The following ZNF497 variants were observed in gnomAD, a reference collection of about 807,000 sequenced individuals.
ZNF497 encodes the protein zinc finger-like protein.
For synonymous variants in ZNF497, 422 were observed against 313.7 expected, an observed-to-expected ratio of 1.35 and a Z score of -3.65; for missense variants, 930 against 714.0, an observed-to-expected ratio of 1.30 and a Z score of -3.45.
chr19:58,362,316 C>G (rs2052102728), intron 1 of ZNF497, among the ~76,000 whole-genome samples: 1 of 152,212 alleles, frequency 6.6e-6, no homozygotes, highest in Non-Finnish European at 1.5e-5. Flanking sequence ...CCGAAACTAC[C>G]CGGGGCTGGG....
intron 1 of ZNF497, 78 bp from the exon 2 acceptor site, chr19:58,358,663 ATGACCCAC>A (rs1384372652): frequency 1.5e-6 from 1 of 679,738 alleles, no homozygotes; most frequent in East Asian, 6.7e-5. Context: ...ATGCGGTGGC[ATGACCCAC>A]CCTTCTCTGC....
intron 2 of ZNF497, 113 bp downstream of exon 2, chr19:58,358,376 T>A (rs2052052448): frequency 8.3e-7 from 1 of 1,199,884 alleles, no homozygotes; most frequent in African/African-American, 1.6e-5. Context: ...CAGCGAAGTC[T>A]CTACAGCGAG....
rs2052000815 is a variant in ZNF497, at chr19:58,354,885, C to T, written c.*1254G>A. 1 of 152,386 alleles carries T rather than the reference C, an allele frequency of 6.6e-6. No homozygotes were observed. Among genetic ancestry groups the T allele is most frequent in the Admixed American group, 6.5e-5 (1 of 15,292 alleles). 9.4% of individuals were successfully genotyped at this position (152,386 alleles called of 1,614,324 possible). ...ACCACTGAACAGTGACAGAACCTTT[C>T]AGCCCATTGGCAATGAGGCTGCCCA... is the stretch of plus-strand genomic sequence containing the variant. On this transcript the variant is annotated 3_prime_UTR_variant, in exon 3 of 3. Transcript: ENST00000311044.
chr19:58,356,103 G>A lies in ZNF497; in HGVS notation c.*36C>T, dbSNP rs950506470. On this transcript the variant is annotated 3_prime_UTR_variant, in exon 3 of 3. Coordinates refer to ENST00000311044, the MANE Select transcript of ZNF497 (RefSeq NM_198458.3). ...CTCACGCCCGAGACCCCGCAATGCC[G>A]TGTGTCCGCGACCTCCCGCTCAGGG... The A allele has an allele frequency of 1.3e-6, 2 of 1,499,084 alleles. No individual in the cohort carries two copies. Among genetic ancestry groups the A allele is most frequent in the Non-Finnish European group, 1.8e-6 (2 of 1,129,808 alleles). The allele number at this position is 1,499,084 out of a possible 1,614,324, so 92.9% of individuals were successfully genotyped here.
In ZNF497 at chr19:58,356,550, C is replaced by T. The variant is rs1339566981; in HGVS notation, c.1086G>A (p.Gln362=). 4 of 1,543,302 alleles carry T rather than the reference C, an allele frequency of 2.6e-6. No homozygotes were observed. The highest frequency in any genetic ancestry group is 2.4e-5 in the East Asian group (1 of 40,998). ...HTGEKPHACA[Q]CGKAFSQRSN... is the part of the protein sequence containing the mutation. Reference sequence around the variant, plus strand: ...AGCGCTGGCTGAAGGCCTTGCCGCACTGGGCGCACGCATGAGGCTTCTCGC... The same window carrying T: ...AGCGCTGGCTGAAGGCCTTGCCGCATTGGGCGCACGCATGAGGCTTCTCGC... Residue 362 remains glutamine, a synonymous_variant, in exon 3 of 3, where the codon CAG becomes CAA. Transcript: ENST00000311044.
intron 2 of ZNF497, 65 bp downstream of exon 2, chr19:58,358,424 C>T (rs1383242360): frequency 1.7e-6 from 2 of 1,156,312 alleles, no homozygotes; most frequent in Non-Finnish European, 2.2e-6. Flanking sequence ...ACCTTATCAT[C>T]CTTGTGTAGT....
In ZNF497 at chr19:58,356,907, C is replaced by T. The variant is rs745311435; in HGVS notation, c.729G>A (p.Ala243=). The change falls in exon 3 of 3, where the codon GCG becomes GCA. Residue 243 remains alanine (A), a synonymous_variant. Transcript: ENST00000311044. The stretch of plus-strand genomic sequence containing the variant: ...CACAGTCCCGGCAGGCGTGCGGCCG[C>T]GCGCCCGTGTGCACGCGCCGGTGCT... ...FLEHRRVHTG[A]RPHACRDCGK... 14 of 1,590,908 alleles carry T rather than the reference C, an allele frequency of 8.8e-6. No homozygotes were observed. The highest frequency in any genetic ancestry group is 1.1e-5 in the South Asian group (1 of 89,770).
At chr19:58,359,278 C>T (rs748074875) in intron 1 of ZNF497, 44 of 1,289,596 alleles carry the variant, frequency 3.4e-5, no homozygotes, top group Non-Finnish European at 4.4e-5. Context: ...TGCCCCTTTC[C>T]TGGGAGGGGA....
chr19:58,356,791 G>C lies in ZNF497; in HGVS notation c.845C>G (p.Ala282Gly), dbSNP rs951383655. The C allele has an allele frequency of 1.7e-5, 27 of 1,579,544 alleles. No homozygotes were observed. The African/African-American group carries it at 2.8e-4, about 17-fold the overall frequency. The change falls in exon 3 of 3, where the codon GCC becomes GGC. Residue 282 changes from alanine to glycine, a missense_variant. By Grantham distance (60) the Ala-to-Gly change is moderately conservative (BLOSUM62 0). Transcript: ENST00000311044. ...RPHACPDCGK[A>G]FVRVAGLRQH... ...CCGCAGCCCCGCCACACGCACGAAG[G>C]CCTTGCCGCAGTCGGGACAGGCGTG...
At chr19:58,362,589 G>T (rs1046240505) in intron 1 of ZNF497, 88 bp downstream of exon 1, 1 of 152,186 alleles carries the variant, frequency 6.6e-6, no homozygotes, top group Non-Finnish European at 1.5e-5. Flanking sequence ...GCTCAGGGCC[G>T]AGGCCCGTCC....
chr19:58,358,419 A>G, intron 2 of ZNF497, 70 bp downstream of exon 2: 2 of 1,157,960 alleles, frequency 1.7e-6, no homozygotes, highest in Non-Finnish European at 2.2e-6. Flanking sequence ...TGAGCACCTT[A>G]TCATCCTTGT....
intron 2 of ZNF497, chr19:58,358,254 C>T: frequency 7.8e-7 from 1 of 1,289,780 alleles, no homozygotes; most frequent in East Asian, 5.5e-5. Context: ...ACCAGGTGGT[C>T]CAAGGCATGG....
Position 58,356,871 on chromosome 19 carries a change from G to T in ZNF497, c.765C>A (p.Phe255Leu), listed in dbSNP as rs767816202. 2 of 1,591,520 alleles carry T rather than the reference G, an allele frequency of 1.3e-6. No individual in the cohort carries two copies. Among genetic ancestry groups the T allele is most frequent in the Non-Finnish European group, 1.7e-6 (2 of 1,173,724 alleles). The change falls in exon 3 of 3, where the codon TTC (phenylalanine) becomes TTA (leucine). Residue 255 changes from phenylalanine to leucine, a missense_variant. Coordinates refer to ENST00000311044, the MANE Select transcript of ZNF497 (RefSeq NM_198458.3). ...PHACRDCGKA[F>L]SQSSNLAEHL... Reference sequence around the variant, plus strand: ...GCTCGGCCAGGTTGGAGCTCTGGCTGAAGGCCTTGCCACAGTCCCGGCAGG... The same window carrying T: ...GCTCGGCCAGGTTGGAGCTCTGGCTTAAGGCCTTGCCACAGTCCCGGCAGG...
rs1599911918 is a variant in ZNF497 at position 58,357,463 on chromosome 19, T to G, written c.173A>C (p.Gln58Pro). 5.6e-6 allele frequency: 9 copies of G among 1,595,736 alleles called. 1 individual carries two copies. In the East Asian group the frequency reaches 2.0e-4, roughly 36 times the overall value. Reference protein sequence around the residue: ...PREAGDGQRQQATLGAADEQG... With the variant: ...PREAGDGQRQPATLGAADEQG... ...TTCGTCCGCCGCCCCCAGTGTGGCT[T>G]GCTGCCGCTGGCCGTCCCCTGCCTC... Residue 58 changes from glutamine to proline, a missense_variant, in exon 3 of 3, where the codon CAA becomes CCA. By Grantham distance (76) the Gln-to-Pro change is moderately conservative. Transcript: ENST00000311044.
In ZNF497 at chr19:58,356,244, G is replaced by A; in HGVS notation, c.1392C>T (p.His464=). The stretch of plus-strand genomic sequence containing the variant: ...CGCAAGCGTAGGGCCTCTCGCCCGT[G>A]TGCGTGCGCCGGTGGCTTAAGAGCT... ...KSELLSHRRT[H]TGERPYACGE... The change falls in exon 3 of 3, where the codon CAC becomes CAT. Residue 464 remains histidine (H), a synonymous_variant. Transcript: ENST00000311044. 6.2e-7 allele frequency: 1 copy of A among 1,607,110 alleles called. No homozygotes were observed. The highest frequency in any genetic ancestry group is 8.5e-7 in the Non-Finnish European group (1 of 1,177,424).
intron 1 of ZNF497, chr19:58,359,418 G>T (rs982978942): frequency 2.0e-6 from 1 of 490,460 alleles, no homozygotes; most frequent in South Asian, 1.5e-5. Context: ...AAGAATGGGG[G>T]TATCGGCGTT....
chr19:58,361,808 GTGTAT>G (rs2052097131), intron 1 of ZNF497, among the ~76,000 whole-genome samples: 1 of 152,182 alleles, frequency 6.6e-6, no homozygotes, highest in Non-Finnish European at 1.5e-5. Context: ...ATCCATATTT[GTGTAT>G]TGAAGTATCA....
chr19:58,356,807 G>T lies in ZNF497; in HGVS notation c.829C>A (p.Pro277Thr). ...CGCACGAAGGCCTTGCCGCAGTCGG[G>T]ACAGGCGTGTGGCCGTGCGCCCGCG... Reference protein sequence around the residue: ...IHAGARPHACPDCGKAFVRVA... With the variant: ...IHAGARPHACTDCGKAFVRVA... The change falls in exon 3 of 3, where the codon CCC (proline) becomes ACC (threonine). Residue 277 changes from proline to threonine, a missense_variant. Transcript: ENST00000311044. 6.3e-7 allele frequency: 1 copy of T among 1,575,230 alleles called. No individual in the cohort carries two copies.
rs1283512186 is a variant in ZNF497, at chr19:58,356,508, G to A, written c.1128C>T (p.His376=). ...GCTTGGCGCCCGAGTGCGTGCGCCG[G>A]TGGCTCAGTAGGTTGGAGCGCTGGC... ...AFSQRSNLLS[H]RRTHSGAKPF... Residue 376 remains histidine (H), a synonymous_variant, in exon 3 of 3, where the codon CAC becomes CAT. Coordinates refer to ENST00000311044, the MANE Select transcript of ZNF497 (RefSeq NM_198458.3). 3.9e-6 allele frequency: 6 copies of A among 1,550,196 alleles called. No individual in the cohort carries two copies. Among genetic ancestry groups the A allele is most frequent in the Non-Finnish European group, 5.2e-6 (6 of 1,153,300 alleles).
Sources: gnomAD v4.1 joint callset for allele counts (sites outside exome capture counted in the v4.1 genomes callset) on GRCh38, gnomAD v4.1.1 for gene constraint, MANE v1.5 for transcripts, NCBI Gene and HGNC (gene_info 2026-07-23, HGNC 2026-07-21) for gene names.